Variants in CLMP observed in about 807,000 individuals in gnomAD.
CLMP encodes CXADR like cell adhesion molecule.
In CLMP, 27 loss-of-function variants were observed where a neutral mutation model predicts 45.2. The ratio of observed to expected loss-of-function variants is 0.60; its 90% CI spans 0.44 to 0.82. The LOEUF is 0.82. Ranked by LOEUF, CLMP falls within the 40% of genes least tolerant of loss-of-function variation. The pLI is 0.00. For missense variants in CLMP, 403 were observed against 448.4 expected, an observed-to-expected ratio of 0.90 and a Z score of 0.91; for synonymous variants, 167 against 171.4, an observed-to-expected ratio of 0.97 and a Z score of 0.20.
At chr11:123,139,864 A>ATAAAAT (rs1286543222) in intron 1 of CLMP, among the ~76,000 whole-genome samples, 3 of 151,982 alleles carry the variant, frequency 2.0e-5, no homozygotes, top group African/African-American at 7.3e-5. Flanking sequence ...ATAAAATAAA[A>ATAAAAT]AATATAAAAT....
At chr11:123,179,713 C>A (rs1861744676) in intron 1 of CLMP, among the ~76,000 whole-genome samples, 1 of 152,230 alleles carries the variant, frequency 6.6e-6, no homozygotes, top group Non-Finnish European at 1.5e-5. Context: ...ATTACCAATA[C>A]AAGATGTAAG....
chr11:123,096,321 T>C (rs1029469854), intron 2 of CLMP, among the ~76,000 whole-genome samples: 3 of 152,014 alleles, frequency 2.0e-5, no homozygotes, highest in Non-Finnish European at 4.4e-5. Context: ...ACCACAGCAC[T>C]CCAGCCTGGG....
chr11:123,137,097 T>C (rs1253120747), intron 1 of CLMP, among the ~76,000 whole-genome samples: 1 of 151,456 alleles, frequency 6.6e-6, no homozygotes, highest in Non-Finnish European at 1.5e-5. Flanking sequence ...CCTTCCACAA[T>C]GGAAAGAATG....
At chr11:123,117,427 T>C (rs1033248117) in intron 1 of CLMP, among the ~76,000 whole-genome samples, 1 of 152,014 alleles carries the variant, frequency 6.6e-6, no homozygotes, top group Non-Finnish European at 1.5e-5. Context: ...TTATTTTTTA[T>C]TTTTTATTAT....
intron 1 of CLMP, among the ~76,000 whole-genome samples, chr11:123,148,108 C>A (rs946452790): frequency 1.7e-4 from 26 of 152,326 alleles, no homozygotes; most frequent in Middle Eastern, 6.8e-3. Flanking sequence ...TAGTACACAA[C>A]CTCATGAGTT....
At chr11:123,128,261 C>T (rs1308694060) in intron 1 of CLMP, among the ~76,000 whole-genome samples, 1 of 151,642 alleles carries the variant, frequency 6.6e-6, no homozygotes, top group Non-Finnish European at 1.5e-5. Flanking sequence ...ACAACTCAGC[C>T]AACCAGGAAG....
chr11:123,167,526 C>A (rs1265899508), intron 1 of CLMP, among the ~76,000 whole-genome samples: 2 of 150,026 alleles, frequency 1.3e-5, no homozygotes, highest in Non-Finnish European at 2.9e-5. Context: ...ACCTCGTGAT[C>A]CGCCTGCCTT....
chr11:123,113,448 G>T (rs1409604535), intron 1 of CLMP, among the ~76,000 whole-genome samples: 2 of 152,190 alleles, frequency 1.3e-5, no homozygotes, highest in Admixed American at 1.3e-4. Context: ...TGTGATCAGG[G>T]ATGGCTTCAT....
intron 2 of CLMP, among the ~76,000 whole-genome samples, chr11:123,090,289 CAA>C (rs762196704): frequency 2.1e-4 from 24 of 116,272 alleles, no homozygotes; most frequent in Admixed American, 5.3e-4. Context: ...CACTAAAATA[CAA>C]AAAAAAAAAA....
intron 1 of CLMP, among the ~76,000 whole-genome samples, chr11:123,154,814 T>G (rs991357476): frequency 6.6e-6 from 1 of 152,192 alleles, no homozygotes; most frequent in African/African-American, 2.4e-5. Flanking sequence ...GATCAGATGT[T>G]CTGATGGGCA....
At chr11:123,172,471 C>G (rs1436366545) in intron 1 of CLMP, among the ~76,000 whole-genome samples, 1 of 151,686 alleles carries the variant, frequency 6.6e-6, no homozygotes, top group Non-Finnish European at 1.5e-5. Flanking sequence ...TTGCAATAAA[C>G]TTTTATTGTT....
intron 1 of CLMP, among the ~76,000 whole-genome samples, chr11:123,140,709 C>T (rs1367782429): frequency 6.6e-6 from 1 of 152,152 alleles, no homozygotes; most frequent in Non-Finnish European, 1.5e-5. Flanking sequence ...GGGAGGGTTT[C>T]GTGCATTGTG....
intron 2 of CLMP, 46 bp from the exon 3 acceptor site, chr11:123,084,759 T>C (rs1865844927): frequency 1.3e-6 from 2 of 1,540,156 alleles, no homozygotes; most frequent in Non-Finnish European, 1.8e-6. Context: ...ACTCTCAGCC[T>C]GCCTTTCCTG....
Position 123,165,875 on chromosome 11 carries a change from A to G in CLMP, c.28+29038T>C, listed in dbSNP as rs1013662223. ...CCACGGGAAGCAAGGTGATGTAGAG[A>G]GGCCGGCCTTCCCACAGTCAGCAAC... On this transcript the variant is annotated intron_variant, in intron 1 of 6. Transcript: ENST00000448775. Among the ~76,000 whole-genome samples, 4 of 152,290 alleles carry G rather than the reference A, an allele frequency of 2.6e-5. No individual in the cohort carries two copies. In the East Asian group the frequency reaches 7.7e-4, roughly 29 times the overall value.
At position 123,194,670 on chromosome 11, in the gene CLMP, A is replaced by G. The variant is rs937619838; in HGVS notation, c.28+243T>C. On this transcript the variant is annotated intron_variant, in intron 1 of 6. Coordinates refer to ENST00000448775, the MANE Select transcript of CLMP (RefSeq NM_024769.5). ...GAAACTAAACACCGCCCTAAAGAGG[A>G]CCCTGCACATCAAACGGTTCCCCAA... Among the ~76,000 whole-genome samples, 3 of 152,244 alleles carry G rather than the reference A, an allele frequency of 2.0e-5. No individual in the cohort carries two copies. In the East Asian group the frequency reaches 5.8e-4, roughly 29 times the overall value.
intron 1 of CLMP, among the ~76,000 whole-genome samples, chr11:123,111,276 G>A (rs559535250): frequency 1.3e-5 from 2 of 152,072 alleles, no homozygotes; most frequent in South Asian, 4.2e-4. Context: ...GATTACAGAT[G>A]CACACCACCA....
chr11:123,190,920 G>A (rs949065), intron 1 of CLMP, among the ~76,000 whole-genome samples: 115,375 of 152,114 alleles, frequency 0.76, 44,380 homozygotes, highest in African/African-American at 0.89. Context: ...CCCTTCTACT[G>A]AGCTAGCTGT....
At chr11:123,087,086 C>G (rs1383843464) in intron 2 of CLMP, among the ~76,000 whole-genome samples, 1 of 152,058 alleles carries the variant, frequency 6.6e-6, no homozygotes, top group Non-Finnish European at 1.5e-5. Context: ...GCCTATAATC[C>G]CAGTCCTTTG....
At position 123,195,051 on chromosome 11, in the gene CLMP, G is replaced by A; in HGVS notation, c.-111C>T. 9.4e-7 allele frequency: 1 copy of A among 1,067,278 alleles called. No individual in the cohort carries two copies. Among genetic ancestry groups the A allele is most frequent in the Non-Finnish European group, 1.3e-6 (1 of 779,004 alleles). 66.1% of individuals were successfully genotyped at this position (1,067,278 alleles called of 1,614,324 possible). On this transcript the variant is annotated 5_prime_UTR_variant, in exon 1 of 7. Coordinates refer to ENST00000448775, the MANE Select transcript of CLMP (RefSeq NM_024769.5). ...CTGGGCGCGGCGCCTCGGGGTGCGCGCGAGGTGGCTGCAGCCATGTGCCGG... is the reference window on the plus strand; with the variant it reads ...CTGGGCGCGGCGCCTCGGGGTGCGCACGAGGTGGCTGCAGCCATGTGCCGG...
Sources: gnomAD v4.1 joint callset for allele counts (sites outside exome capture counted in the v4.1 genomes callset) on GRCh38, gnomAD v4.1.1 for gene constraint, MANE v1.5 for transcripts, NCBI Gene and HGNC (gene_info 2026-07-23, HGNC 2026-07-21) for gene names.